Variants in PGCKA1 observed in about 807,000 individuals in gnomAD.
The protein encoded by PGCKA1 is PDCD10 and GCKIII kinases-associated protein 1.
At chr4:37,547,776 G>A in the PGCKA1 span, among the ~76,000 whole-genome samples, 1 of 152,178 alleles carries the variant, frequency 6.6e-6, no homozygotes, top group African/African-American at 2.4e-5. Flanking sequence ...GGGAGAAAAA[G>A]AGGCCATCTA....
At chr4:37,458,453 T>G in the PGCKA1 span, among the ~76,000 whole-genome samples, 1 of 151,910 alleles carries the variant, frequency 6.6e-6, no homozygotes, top group Non-Finnish European at 1.5e-5. Context: ...AGATAAGCAG[T>G]TTGGGTGGGC....
At chr4:37,512,454 CTTT>C in the PGCKA1 span, among the ~76,000 whole-genome samples, 6 of 126,952 alleles carry the variant, frequency 4.7e-5, no homozygotes, top group Admixed American at 1.6e-4. Context: ...GTGTTGATTT[CTTT>C]TTTTTTTTTT....
At chr4:37,478,104 C>A in the PGCKA1 span, among the ~76,000 whole-genome samples, 1 of 151,688 alleles carries the variant, frequency 6.6e-6, no homozygotes, top group Non-Finnish European at 1.5e-5. Flanking sequence ...TTGGAGAATG[C>A]CCAAATGTAC....
the PGCKA1 span, among the ~76,000 whole-genome samples, chr4:37,572,063 C>CTTTTTTTTTTTTTTTTT: frequency 1.1e-5 from 1 of 89,972 alleles, no homozygotes; most frequent in Non-Finnish European, 2.0e-5. Context: ...TTTTTTTTTT[C>CTTTTTTTTTTTTTTTTT]TTTTTTTTTT....
At chr4:37,454,582 A>G in the PGCKA1 span, among the ~76,000 whole-genome samples, 1 of 152,178 alleles carries the variant, frequency 6.6e-6, no homozygotes. Context: ...GGGTGGGGGA[A>G]GAGGTCAGGG....
At chr4:37,484,085 G>A in the PGCKA1 span, among the ~76,000 whole-genome samples, 3 of 152,198 alleles carry the variant, frequency 2.0e-5, no homozygotes, top group African/African-American at 7.2e-5. Flanking sequence ...GGTATGGTCT[G>A]AATGTCTGTG....
the PGCKA1 span, among the ~76,000 whole-genome samples, chr4:37,461,974 C>G: frequency 6.6e-6 from 1 of 151,974 alleles, no homozygotes; most frequent in East Asian, 1.9e-4. Flanking sequence ...ACTGTGCTTC[C>G]CAACCTTCAG....
chr4:37,493,016 G>GTGTGTGTATGTGTGTA, the PGCKA1 span, among the ~76,000 whole-genome samples: 1 of 152,034 alleles, frequency 6.6e-6, no homozygotes, highest in Non-Finnish European at 1.5e-5. Context: ...ATTGATATGT[G>GTGTGTGTATGTGTGTA]TGTGTGTATG....
At chr4:37,474,241 T>C in the PGCKA1 span, among the ~76,000 whole-genome samples, 1 of 152,166 alleles carries the variant, frequency 6.6e-6, no homozygotes, top group Non-Finnish European at 1.5e-5. Flanking sequence ...CTTCCCTTCT[T>C]TCTTTCTCAC....
At chr4:37,572,066 T>TC in the PGCKA1 span, among the ~76,000 whole-genome samples, 1 of 104,216 alleles carries the variant, frequency 9.6e-6, no homozygotes, top group Non-Finnish European at 2.1e-5. Context: ...TTTTTTTCTT[T>TC]TTTTTTTTTT....
chr4:37,552,941 T>C, the PGCKA1 span, among the ~76,000 whole-genome samples: 1 of 152,248 alleles, frequency 6.6e-6, no homozygotes, highest in Non-Finnish European at 1.5e-5. Context: ...CTCTCCATTG[T>C]CTTTCACACA....
the PGCKA1 span, among the ~76,000 whole-genome samples, chr4:37,464,402 C>T: frequency 6.6e-6 from 1 of 152,128 alleles, no homozygotes; most frequent in African/African-American, 2.4e-5. Context: ...CTAACTACTC[C>T]TGGATTTCAG....
chr4:37,456,032 C>T, the PGCKA1 span, among the ~76,000 whole-genome samples: 4 of 152,196 alleles, frequency 2.6e-5, no homozygotes, highest in African/African-American at 7.2e-5. Context: ...TAACTAGTAC[C>T]TATGTCCTGC....
chr4:37,592,861 C>G, the PGCKA1 span, among the ~76,000 whole-genome samples: 4 of 152,192 alleles, frequency 2.6e-5, no homozygotes, highest in Admixed American at 6.5e-5. Context: ...ATTCCTTTAA[C>G]AAACATTTTT....
At chr4:37,554,186 T>C in the PGCKA1 span, among the ~76,000 whole-genome samples, 1 of 152,194 alleles carries the variant, frequency 6.6e-6, no homozygotes, top group African/African-American at 2.4e-5. Context: ...GATGTGCCTT[T>C]GCATCTGCTT....
chr4:37,590,769 C>T, the PGCKA1 span: 1 of 1,613,978 alleles, frequency 6.2e-7, no homozygotes, highest in Non-Finnish European at 8.5e-7. Context: ...TGAGGAGAAG[C>T]TGGGATTCAT....
chr4:37,568,672 C>T, the PGCKA1 span, among the ~76,000 whole-genome samples: 2 of 152,186 alleles, frequency 1.3e-5, no homozygotes, highest in Admixed American at 1.3e-4. Context: ...AGAGCTAGTT[C>T]ACAAACCACT....
the PGCKA1 span, among the ~76,000 whole-genome samples, chr4:37,586,936 C>A: frequency 6.6e-6 from 1 of 152,046 alleles, no homozygotes; most frequent in Non-Finnish European, 1.5e-5. Context: ...CAAAACAAAA[C>A]AATGGAAGTT....
At chr4:37,508,011 T>TCAC in the PGCKA1 span, among the ~76,000 whole-genome samples, 1 of 152,194 alleles carries the variant, frequency 6.6e-6, no homozygotes, top group Non-Finnish European at 1.5e-5. Context: ...CCCTCTCTCC[T>TCAC]AGCCTGTGAA....
Sources: allele counts gnomAD v4.1 joint callset (sites outside exome capture counted in the v4.1 genomes callset), GRCh38; gene constraint gnomAD v4.1.1; transcripts MANE v1.5; gene names NCBI Gene and HGNC (gene_info 2026-07-23, HGNC 2026-07-21).